The following INPP4B variants were observed in gnomAD, a reference collection of about 807,000 sequenced individuals.
INPP4B encodes the protein inositol polyphosphate-4-phosphatase type II B, also known as inositol polyphosphate 4-phosphatase type II.
Under a neutral mutation model 122.5 loss-of-function variants are expected in INPP4B, and 55 were observed. The observed-to-expected ratio is 0.45, with a 90% CI of 0.36 to 0.56. The LOEUF is 0.56. INPP4B is among the 20% of genes least tolerant of loss of function. The probability of loss-of-function intolerance (pLI) is 0.00; values close to 1 mark genes in which losing one functional copy is unlikely to be tolerated. For synonymous variants in INPP4B, 403 were observed against 388.7 expected (o/e 1.04, Z -0.43); for missense variants, 1,000 against 1,097.7 (o/e 0.91, Z 1.26).
At chr4:142,398,606 T>G (rs1406536154) in intron 7 of INPP4B, among the ~76,000 whole-genome samples, 1 of 128,680 alleles carries the variant, frequency 7.8e-6, no homozygotes, top group African/African-American at 2.5e-5. Context: ...GAAGCCAATT[T>G]AGAAAATCAA....
intron 7 of INPP4B, among the ~76,000 whole-genome samples, chr4:142,331,025 ATAAACT>A (rs1774263926): frequency 6.6e-6 from 1 of 152,212 alleles, no homozygotes; most frequent in Admixed American, 6.5e-5. Flanking sequence ...GCTGTCACAA[ATAAACT>A]TAAAAACATT....
intron 8 of INPP4B, among the ~76,000 whole-genome samples, chr4:142,311,728 C>T (rs923599703): frequency 1.3e-5 from 2 of 152,082 alleles, no homozygotes; most frequent in Non-Finnish European, 2.9e-5. Context: ...AGGACTTAGG[C>T]GCTCCCCAAT....
At chr4:142,184,804 TGGAGGGTAGA>T (rs1561412888) in intron 15 of INPP4B, among the ~76,000 whole-genome samples, 1 of 152,104 alleles carries the variant, frequency 6.6e-6, no homozygotes, top group Non-Finnish European at 1.5e-5. Flanking sequence ...TGGTTCACTA[TGGAGGGTAGA>T]GGGGAGGGAA....
chr4:142,074,078 C>T (rs1190987740), intron 25 of INPP4B, among the ~76,000 whole-genome samples: 6 of 152,028 alleles, frequency 3.9e-5, no homozygotes. Context: ...CCAAGGGATG[C>T]TCCTGTCTTA....
At chr4:142,770,307 T>C (rs1430512527) in intron 1 of INPP4B, among the ~76,000 whole-genome samples, 2 of 152,178 alleles carry the variant, frequency 1.3e-5, no homozygotes, top group Admixed American at 6.6e-5. Context: ...AATATTGTTA[T>C]ATTATCTAAA....
At chr4:142,629,462 T>C (rs1356139243) in intron 2 of INPP4B, among the ~76,000 whole-genome samples, 1 of 152,020 alleles carries the variant, frequency 6.6e-6, no homozygotes, top group Admixed American at 6.6e-5. Context: ...GATTGTTTAT[T>C]TCTAGATGAG....
At chr4:142,570,435 T>A (rs1732552637) in intron 2 of INPP4B, among the ~76,000 whole-genome samples, 1 of 152,060 alleles carries the variant, frequency 6.6e-6, no homozygotes, top group Non-Finnish European at 1.5e-5. Context: ...CTTAAAGTGT[T>A]TTAATTGGGT....
intron 11 of INPP4B, among the ~76,000 whole-genome samples, chr4:142,257,454 C>A (rs1484496646): frequency 6.6e-6 from 1 of 152,132 alleles, no homozygotes; most frequent in African/African-American, 2.4e-5. Context: ...ATCTAGAAAA[C>A]CCCATGGTCT....
chr4:142,707,562 C>T (rs1487882034), intron 2 of INPP4B, among the ~76,000 whole-genome samples: 1 of 152,152 alleles, frequency 6.6e-6, no homozygotes, highest in Non-Finnish European at 1.5e-5. Flanking sequence ...GTGTGTAGCA[C>T]CTCCCCCTTC....
At chr4:142,786,765 T>C (rs1775820023) in intron 1 of INPP4B, among the ~76,000 whole-genome samples, 1 of 152,130 alleles carries the variant, frequency 6.6e-6, no homozygotes, top group Admixed American at 6.6e-5. Flanking sequence ...ATAGCTGCTG[T>C]ATAATCAAGA....
At chr4:142,164,695 C>A (rs1390588723) in intron 16 of INPP4B, among the ~76,000 whole-genome samples, 1 of 151,696 alleles carries the variant, frequency 6.6e-6, no homozygotes, top group Non-Finnish European at 1.5e-5. Flanking sequence ...TCATTGTAAA[C>A]CCTCAAGTGC....
chr4:142,288,530 G>C (rs991996443), intron 9 of INPP4B, among the ~76,000 whole-genome samples: 3 of 152,150 alleles, frequency 2.0e-5, no homozygotes, highest in Non-Finnish European at 4.4e-5. Context: ...CTTGCAGTGA[G>C]CTGGGATCGG....
intron 2 of INPP4B, among the ~76,000 whole-genome samples, chr4:142,694,704 C>CT (rs1467893676): frequency 1.3e-5 from 2 of 152,116 alleles, no homozygotes; most frequent in African/African-American, 2.4e-5. Flanking sequence ...CAGCTTCGTC[C>CT]TTTGTGGTGA....
chr4:142,753,773 A>T (rs1161163240), intron 1 of INPP4B, among the ~76,000 whole-genome samples: 1 of 152,142 alleles, frequency 6.6e-6, no homozygotes, highest in African/African-American at 2.4e-5. Flanking sequence ...GCTTTATATC[A>T]GTATGACTAT....
chr4:142,139,106 T>C (rs138845030), intron 18 of INPP4B, among the ~76,000 whole-genome samples: 30 of 152,170 alleles, frequency 2.0e-4, no homozygotes, highest in Non-Finnish European at 3.4e-4. Flanking sequence ...TACTAGACTG[T>C]AAGGACAGGG....
At chr4:142,283,676 C>A (rs1752231824) in intron 9 of INPP4B, among the ~76,000 whole-genome samples, 1 of 151,924 alleles carries the variant, frequency 6.6e-6, no homozygotes, top group Non-Finnish European at 1.5e-5. Flanking sequence ...AAAGGCAGAG[C>A]AAAAATATGG....
At chr4:142,479,488 C>G (rs915634263) in intron 2 of INPP4B, among the ~76,000 whole-genome samples, 6 of 152,072 alleles carry the variant, frequency 3.9e-5, no homozygotes, top group African/African-American at 1.4e-4. Context: ...ATAAATTATT[C>G]TACGATAAAC....
chr4:142,519,070 G>A (rs544850334), intron 2 of INPP4B: 6 of 152,212 alleles, frequency 3.9e-5, no homozygotes, highest in South Asian at 2.1e-4. Context: ...GGTTTATGTC[G>A]TATGTGTATA....
intron 9 of INPP4B, among the ~76,000 whole-genome samples, chr4:142,278,402 G>A (rs1457030349): frequency 6.6e-6 from 1 of 151,818 alleles, no homozygotes; most frequent in Non-Finnish European, 1.5e-5. Flanking sequence ...TCATGGGCAG[G>A]AAAGTGGTCT....
Sources: gnomAD v4.1 joint callset for allele counts (sites outside exome capture counted in the v4.1 genomes callset) on GRCh38, gnomAD v4.1.1 for gene constraint, MANE v1.5 for transcripts, NCBI Gene and HGNC (gene_info 2026-07-23, HGNC 2026-07-21) for gene names.